ADGRV1: variants seen among roughly 807,000 people sequenced by gnomAD.
ADGRV1 encodes the protein adhesion G protein-coupled receptor V1, also known as G-protein coupled receptor 98.
Under a neutral mutation model 596.2 loss-of-function variants are expected in ADGRV1, and 359 were observed. That is an observed-to-expected ratio of 0.60 (90% confidence interval 0.55 to 0.66). The LOEUF (loss-of-function observed/expected upper bound fraction) is 0.66. Among genes scored for constraint, ADGRV1 ranks in the 30% least tolerant of loss-of-function variants. The pLI, the probability that ADGRV1 is intolerant of heterozygous loss-of-function variation, is 0.00. For synonymous variants in ADGRV1, 2,681 were observed against 2,679.2 expected (o/e 1.00, Z -0.02); for missense variants, 7,274 against 7,575.6 (o/e 0.96, Z 1.48).
Position 90,788,053 on chromosome 5 carries a change from A to C in ADGRV1, c.13654-18A>C. 1 of 1,568,342 alleles carries C rather than the reference A, an allele frequency of 6.4e-7. No homozygotes were observed. The highest frequency in any genetic ancestry group is 1.2e-5 in the South Asian group (1 of 80,596). ...TGATCTCTATTAAAGAAATACCAAA[A>C]CCAAAAACATCCCGCAGGTGAACTG... is the stretch of plus-strand genomic sequence containing the variant. On this transcript the variant is annotated intron_variant, in intron 67 of 89. Transcript: ENST00000405460.
intron 69 of ADGRV1, among the ~76,000 whole-genome samples, chr5:90,790,437 A>G (rs918881299): frequency 7.9e-5 from 12 of 152,220 alleles, no homozygotes; most frequent in Non-Finnish European, 1.6e-4. Flanking sequence ...GAGGCCAGCA[A>G]TTCTTGGAAA....
At chr5:91,004,461 T>C (rs926325709) in intron 85 of ADGRV1, among the ~76,000 whole-genome samples, 1 of 152,154 alleles carries the variant, frequency 6.6e-6, no homozygotes, top group Non-Finnish European at 1.5e-5. Context: ...TAAAATATCT[T>C]ATTCATCTGA....
rs1177586656 is a variant in ADGRV1 at position 90,681,390 on chromosome 5, G to T, written c.5600G>T (p.Ser1867Ile). 1 of 1,613,878 alleles carries T rather than the reference G, an allele frequency of 6.2e-7. No homozygotes were observed. The highest frequency in any genetic ancestry group is 8.5e-7 in the Non-Finnish European group (1 of 1,179,838). The change falls in exon 27 of 90, where the codon AGC becomes ATC. Residue 1867 changes from serine to isoleucine, a missense_variant. Ser to Ile is a moderately radical substitution (Grantham distance 142, BLOSUM62 -2). Around this residue, in one of 5 missense-constraint regions of ADGRV1, gnomAD observed 3,643 missense variants for 3,809.2 expected, o/e 0.96. Transcript: ENST00000405460. ...CACGCTCATGGCGTATTTGAATTTA[G>T]CCCTGAGTCACTCTTTGTCAGTGGA... ...SDHAHGVFEFSPESLFVSGTE... is the reference protein window; with the variant it reads ...SDHAHGVFEFIPESLFVSGTE...
chr5:90,956,089 T>C, intron 83 of ADGRV1, among the ~76,000 whole-genome samples: 1 of 152,190 alleles, frequency 6.6e-6, no homozygotes, highest in South Asian at 2.1e-4. Context: ...AGGTTTCCTT[T>C]CCAGCTTATA....
intron 85 of ADGRV1, among the ~76,000 whole-genome samples, chr5:91,058,857 A>G (rs1581926990): frequency 6.6e-6 from 1 of 152,170 alleles, no homozygotes; most frequent in African/African-American, 2.4e-5. Flanking sequence ...CACCTTACAC[A>G]CCTGCTGATC....
At chr5:90,831,278 TATAC>T (rs1764501232) in intron 77 of ADGRV1, among the ~76,000 whole-genome samples, 3 of 148,888 alleles carry the variant, frequency 2.0e-5, no homozygotes, top group African/African-American at 7.8e-5. Flanking sequence ...TATACATATA[TATAC>T]ACACACACAC....
At chr5:91,072,194 G>A (rs1788447306) in intron 85 of ADGRV1, among the ~76,000 whole-genome samples, 1 of 151,966 alleles carries the variant, frequency 6.6e-6, no homozygotes, top group South Asian at 2.1e-4. Context: ...AAATTTATTT[G>A]GCCATAAGCT....
chr5:90,563,355 C>T (rs891589372), intron 1 of ADGRV1, among the ~76,000 whole-genome samples: 9 of 152,206 alleles, frequency 5.9e-5, no homozygotes, highest in African/African-American at 2.2e-4. Context: ...TTCCAAGTAG[C>T]CTTCTCTCCA....
intron 59 of ADGRV1, among the ~76,000 whole-genome samples, chr5:90,766,058 CG>C (rs1196767984): frequency 1.3e-5 from 2 of 151,960 alleles, no homozygotes; most frequent in African/African-American, 2.4e-5. Flanking sequence ...TACAGGCGCC[CG>C]CCACCACACC....
intron 87 of ADGRV1, among the ~76,000 whole-genome samples, chr5:91,124,165 A>T (rs538956549): frequency 6.6e-6 from 1 of 152,142 alleles, no homozygotes; most frequent in Non-Finnish European, 1.5e-5. Context: ...ACTGAGTAGA[A>T]TTTTTTTGTG....
chr5:91,129,659 C>G (rs1043381622), intron 87 of ADGRV1, among the ~76,000 whole-genome samples: 4 of 152,148 alleles, frequency 2.6e-5, no homozygotes, highest in Non-Finnish European at 1.5e-5. Flanking sequence ...GTTGAAGCTT[C>G]TTTGTGATAT....
chr5:90,908,434 C>T (rs1156569592), intron 83 of ADGRV1, among the ~76,000 whole-genome samples: 1 of 152,102 alleles, frequency 6.6e-6, no homozygotes, highest in Non-Finnish European at 1.5e-5. Flanking sequence ...GCCTGTTATG[C>T]TAGCAAATAC....
At chr5:90,783,809 TC>T (rs1210991035) in intron 66 of ADGRV1, 28 bp from the exon 67 acceptor site, 1 of 1,516,700 alleles carries the variant, frequency 6.6e-7, no homozygotes, top group Admixed American at 1.9e-5. Context: ...ATGTTTAGAC[TC>T]ACAGAATTGC....
intron 59 of ADGRV1, among the ~76,000 whole-genome samples, chr5:90,763,720 C>A (rs1756768711): frequency 6.6e-6 from 1 of 152,164 alleles, no homozygotes; most frequent in African/African-American, 2.4e-5. Flanking sequence ...TTGTTTCCAT[C>A]TTTATGTCCA....
chr5:90,774,479 C>A (rs1758013229), intron 60 of ADGRV1, among the ~76,000 whole-genome samples, 176 bp downstream of exon 60: 1 of 152,046 alleles, frequency 6.6e-6, no homozygotes, highest in Non-Finnish European at 1.5e-5. Context: ...AATTATAATA[C>A]CCAATCTTGG....
At position 90,807,629 on chromosome 5, in the gene ADGRV1, A is replaced by G. The variant is rs1407523233; in HGVS notation, c.14864A>G (p.Gln4955Arg). ...AGCCTTTCATTTTCCCACGGTGAAC[A>G]AAGGAAAGGAGTTTTCCTGTGGACG... ...LGSLSFSHGE[Q>R]RKGVFLWTFP... The change falls in exon 73 of 90, where the codon CAA (glutamine) becomes CGA (arginine). Residue 4955 changes from glutamine to arginine, a missense_variant. Physicochemically the swap from Gln to Arg is conservative, Grantham distance 43. Coordinates refer to ENST00000405460, the MANE Select transcript of ADGRV1 (RefSeq NM_032119.4). The G allele has an allele frequency of 8.1e-6, 13 of 1,612,760 alleles. No homozygotes were observed. Among genetic ancestry groups the G allele is most frequent in the Non-Finnish European group, 1.0e-5 (12 of 1,179,110 alleles).
At chr5:90,625,376 A>G (rs1158501445) in intron 6 of ADGRV1, 133 bp downstream of exon 6, 2 of 530,004 alleles carry the variant, frequency 3.8e-6, no homozygotes, top group Non-Finnish European at 6.8e-6. Context: ...ACATCTTATT[A>G]CTATTTATCT....
intron 86 of ADGRV1, among the ~76,000 whole-genome samples, chr5:91,099,768 C>A (rs1791205208): frequency 6.6e-6 from 1 of 152,062 alleles, no homozygotes; most frequent in African/African-American, 2.4e-5. Flanking sequence ...AGGGAGAAAA[C>A]TGGAATTAAC....
intron 83 of ADGRV1, among the ~76,000 whole-genome samples, chr5:90,963,035 G>T (rs1246661227): frequency 6.6e-6 from 1 of 152,052 alleles, no homozygotes; most frequent in African/African-American, 2.4e-5. Flanking sequence ...TTATAATTTG[G>T]ATTACACTAT....
Sources: gnomAD v4.1 joint callset for allele counts (sites outside exome capture counted in the v4.1 genomes callset) on GRCh38, gnomAD v4.1.1 for gene constraint, gnomAD v4.1.1 regional missense constraint, MANE v1.5 for transcripts, NCBI Gene and HGNC (gene_info 2026-07-23, HGNC 2026-07-21) for gene names.